The following GPAM variants were observed in gnomAD, a reference collection of about 807,000 sequenced individuals.
The protein encoded by GPAM is glycerol-3-phosphate acyltransferase, mitochondrial.
In GPAM, 56 loss-of-function variants were observed where a neutral mutation model predicts 105.0. The ratio of observed to expected loss-of-function variants is 0.53; its 90% CI spans 0.43 to 0.67. The LOEUF (loss-of-function observed/expected upper bound fraction) is 0.67. GPAM is among the 30% of genes least tolerant of loss of function. GPAM has a pLI of 0.00. For synonymous variants in GPAM, 368 were observed against 354.4 expected (o/e 1.04, Z -0.43); for missense variants, 855 against 989.8 (o/e 0.86, Z 1.83).
chr10:112,180,389 T>G, intron 4 of GPAM, 84 bp downstream of exon 4: 1 of 1,295,716 alleles, frequency 7.7e-7, no homozygotes, highest in Non-Finnish European at 1.1e-6. Context: ...GAAAGTGAAT[T>G]TAGTCCAATA....
the GPAM span, among the ~76,000 whole-genome samples, chr10:112,225,982 C>T: frequency 6.6e-6 from 1 of 152,188 alleles, no homozygotes; most frequent in East Asian, 1.9e-4. Context: ...GGGAGCCTCC[C>T]CTGACTGCTC....
At chr10:112,183,322 A>G (rs760291261) in intron 1 of GPAM, among the ~76,000 whole-genome samples, 3 of 152,236 alleles carry the variant, frequency 2.0e-5, no homozygotes, top group Non-Finnish European at 4.4e-5. Context: ...CGCTGTCATT[A>G]ATTATCTCCA....
intron 7 of GPAM, 96 bp from the exon 8 acceptor site, chr10:112,173,162 T>A (rs1343133059): frequency 1.3e-6 from 1 of 765,082 alleles, no homozygotes; most frequent in Non-Finnish European, 2.3e-6. Context: ...CTTAAATTTA[T>A]GGACCTACAA....
At chr10:112,190,984 G>A (rs989321447) in intron 1 of GPAM, among the ~76,000 whole-genome samples, 1 of 152,130 alleles carries the variant, frequency 6.6e-6, no homozygotes, top group African/African-American at 2.4e-5. Context: ...TCTTAAAGAA[G>A]ACTGAACTGT....
chr10:112,214,824 C>G (rs937383648), intron 1 of GPAM, among the ~76,000 whole-genome samples: 1 of 152,194 alleles, frequency 6.6e-6, no homozygotes, highest in Non-Finnish European at 1.5e-5. Context: ...AAAACCTTCT[C>G]AGGATTTGGG....
In GPAM at chr10:112,175,647, C is replaced by T. The variant is rs186875013; in HGVS notation, c.366G>A (p.Lys122=). The change falls in exon 6 of 22, where the codon AAG becomes AAA. Residue 122 remains lysine, a synonymous_variant. Transcript: ENST00000348367. ...CAGTCACATTGGTGGCAAACATGCCCTTATGCACATCTCGCTCTTGAATAA... is the reference window on the plus strand; with the variant it reads ...CAGTCACATTGGTGGCAAACATGCCTTTATGCACATCTCGCTCTTGAATAA... ...VLFIQERDVH[K]GMFATNVTEN... 3.9e-5 allele frequency: 63 copies of T among 1,613,106 alleles called. No individual in the cohort carries two copies. The East Asian group carries it at 1.3e-3, about 34-fold the overall frequency.
intron 1 of GPAM, among the ~76,000 whole-genome samples, chr10:112,213,399 C>T (rs902140252): frequency 8.5e-5 from 13 of 152,230 alleles, no homozygotes; most frequent in African/African-American, 2.9e-4. Flanking sequence ...AGATAAAGCC[C>T]TTAGAAGAGT....
intron 17 of GPAM, 59 bp downstream of exon 17, chr10:112,159,852 C>A: frequency 6.4e-7 from 1 of 1,550,392 alleles, no homozygotes; most frequent in East Asian, 2.2e-5. Context: ...CGGGGGGTTA[C>A]GTTTTCATGA....
At chr10:112,156,099 A>G (rs1268088705) in intron 19 of GPAM, 46 bp from the exon 20 acceptor site, 13 of 1,365,848 alleles carry the variant, frequency 9.5e-6, no homozygotes, top group Middle Eastern at 1.9e-4. Context: ...AAGGGACAAG[A>G]GACACAAGGC....
chr10:112,172,068 G>T (rs906719321), intron 9 of GPAM, 114 bp downstream of exon 9: 2 of 812,710 alleles, frequency 2.5e-6, no homozygotes, highest in Admixed American at 2.3e-5. Context: ...TATAATAAAA[G>T]AAAAAAGGCT....
Position 112,154,706 on chromosome 10 carries a change from A to T in GPAM, c.2312-19T>A. The T allele has an allele frequency of 6.4e-7, 1 of 1,561,308 alleles. No individual in the cohort carries two copies. Among genetic ancestry groups the T allele is most frequent in the Non-Finnish European group, 8.8e-7 (1 of 1,132,084 alleles). The stretch of plus-strand genomic sequence containing the variant: ...CTCTCAGCTGAAGAGAGAGAATAAA[A>T]CCCTGTCAAATGGTTACGCTCAACA... On this transcript the variant is annotated intron_variant, in intron 20 of 21. Coordinates refer to ENST00000348367, the MANE Select transcript of GPAM (RefSeq NM_001244949.2).
intron 9 of GPAM, among the ~76,000 whole-genome samples, 169 bp downstream of exon 9, chr10:112,172,013 A>C (rs1847320741): frequency 1.3e-5 from 2 of 152,210 alleles, no homozygotes; most frequent in Admixed American, 6.6e-5. Context: ...GTCTTAATGC[A>C]TTTTTGCACT....
upstream of GPAM, among the ~76,000 whole-genome samples, chr10:112,183,921 A>G (rs1288527455): frequency 6.6e-6 from 1 of 152,112 alleles, no homozygotes; most frequent in Non-Finnish European, 1.5e-5. Context: ...GGCTAAAGAT[A>G]GTGTGTGAGC....
intron 19 of GPAM, 32 bp from the exon 20 acceptor site, chr10:112,156,085 G>A (rs765294558): frequency 6.6e-7 from 1 of 1,519,878 alleles, no homozygotes; most frequent in Admixed American, 1.7e-5. Flanking sequence ...ATGAAGTCAT[G>A]AGGAAGGGAC....
At position 112,151,033 on chromosome 10, in the gene GPAM, C is replaced by A; in HGVS notation, c.*2517G>T. 1 of 985,690 alleles carries A rather than the reference C, an allele frequency of 1.0e-6. No homozygotes were observed. Among genetic ancestry groups the A allele is most frequent in the African/African-American group, 1.7e-5 (1 of 57,332 alleles). 61.1% of individuals were successfully genotyped at this position (985,690 alleles called of 1,614,324 possible). On this transcript the variant is annotated 3_prime_UTR_variant, in exon 22 of 22. Coordinates refer to ENST00000348367, the MANE Select transcript of GPAM (RefSeq NM_001244949.2). ...GTTTTTCATGCATTTTCAGAGTGCA[C>A]AACTTCCCTCCTCTCTTCTGAATCA...
At chr10:112,201,791 G>A (rs532571532) in intron 1 of GPAM, among the ~76,000 whole-genome samples, 4 of 152,066 alleles carry the variant, frequency 2.6e-5, no homozygotes, top group East Asian at 3.9e-4. Flanking sequence ...AGCTCCATAA[G>A]AGCAGGAACT....
rs1846941470 is a variant in GPAM at position 112,152,705 on chromosome 10, C to T, written c.*845G>A. 1.0e-6 allele frequency: 1 copy of T among 984,688 alleles called. No individual in the cohort carries two copies. Among genetic ancestry groups the T allele is most frequent in the Admixed American group, 6.2e-5 (1 of 16,254 alleles). The allele number at this position is 984,688 out of a possible 1,614,324, so 61.0% of individuals were successfully genotyped here. ...CTGTACCTGTGAGAGGCAGGTATTA[C>T]CTGAGGGGTGGACGAGGTACAGACA... On this transcript the variant is annotated 3_prime_UTR_variant, in exon 22 of 22. Transcript: ENST00000348367.
chr10:112,194,227 G>T (rs1242464828), intron 1 of GPAM, among the ~76,000 whole-genome samples: 1 of 152,196 alleles, frequency 6.6e-6, no homozygotes, highest in East Asian at 1.9e-4. Context: ...GGGTAAAGAA[G>T]TGTAATCCTA....
intron 1 of GPAM, among the ~76,000 whole-genome samples, chr10:112,211,512 A>T (rs976276974): frequency 1.3e-5 from 2 of 152,174 alleles, no homozygotes; most frequent in African/African-American, 4.8e-5. Context: ...CTATTGGTTC[A>T]TCAGTGGGTC....
Sources: gnomAD v4.1 joint callset for allele counts (sites outside exome capture counted in the v4.1 genomes callset) on GRCh38, gnomAD v4.1.1 for gene constraint, MANE v1.5 for transcripts, NCBI Gene and HGNC (gene_info 2026-07-23, HGNC 2026-07-21) for gene names.